Variants in FSTL4 observed in about 807,000 individuals in gnomAD.
FSTL4 encodes follistatin-related protein 4.
FSTL4 carries 28 observed loss-of-function variants against 78.2 expected under a neutral mutation model. The ratio of observed to expected loss-of-function variants is 0.36; its 90% CI spans 0.27 to 0.49. FSTL4 has a LOEUF of 0.49. FSTL4 is among the 20% of genes least tolerant of loss of function. FSTL4 has a pLI of 0.98. For missense variants in FSTL4, 922 were observed against 1,084.9 expected (o/e 0.85, Z 2.11); for synonymous variants, 422 against 440.5 (o/e 0.96, Z 0.53).
chr5:133,631,537 TA>T, the FSTL4 span, among the ~76,000 whole-genome samples: 1 of 152,180 alleles, frequency 6.6e-6, no homozygotes, highest in Non-Finnish European at 1.5e-5. Flanking sequence ...GGAACACTTT[TA>T]CACTGCTGGT....
intron 4 of FSTL4, among the ~76,000 whole-genome samples, chr5:133,340,903 G>T (rs1754564884): frequency 6.6e-6 from 1 of 152,134 alleles, no homozygotes; most frequent in Non-Finnish European, 1.5e-5. Context: ...CTGCCCCCGA[G>T]ACAGCTAGAA....
chr5:133,671,015 T>C, the FSTL4 span, among the ~76,000 whole-genome samples: 1 of 152,114 alleles, frequency 6.6e-6, no homozygotes, highest in South Asian at 2.1e-4. Flanking sequence ...GAGGTGATGT[T>C]GTACCAGTTC....
chr5:133,686,038 C>A, the FSTL4 span, among the ~76,000 whole-genome samples: 67,295 of 151,654 alleles, frequency 0.44, 15,086 homozygotes, highest in East Asian at 0.57. Context: ...ATCTATGAGG[C>A]GCCCACAGGA....
At chr5:133,280,089 C>T (rs1752976956) in intron 6 of FSTL4, among the ~76,000 whole-genome samples, 1 of 152,320 alleles carries the variant, frequency 6.6e-6, no homozygotes, top group East Asian at 1.9e-4. Context: ...GGTGAGAGCA[C>T]ACGTTTACGT....
chr5:133,754,377 C>CA, the FSTL4 span, among the ~76,000 whole-genome samples: 4 of 152,020 alleles, frequency 2.6e-5, no homozygotes, highest in South Asian at 8.3e-4. Flanking sequence ...ATAAAAAGAT[C>CA]AAAATGTCCT....
chr5:133,796,628 A>T, the FSTL4 span, among the ~76,000 whole-genome samples: 5 of 151,926 alleles, frequency 3.3e-5, no homozygotes, highest in Non-Finnish European at 7.4e-5. Context: ...GCGTTCAGAC[A>T]TTCCTCCTCT....
chr5:133,693,333 A>G, the FSTL4 span, among the ~76,000 whole-genome samples: 3 of 152,366 alleles, frequency 2.0e-5, no homozygotes, highest in African/African-American at 7.2e-5. Context: ...TTATGGGAAC[A>G]GAACTATAAT....
chr5:133,261,723 G>GC (rs1472504989), intron 6 of FSTL4, among the ~76,000 whole-genome samples: 4 of 152,152 alleles, frequency 2.6e-5, no homozygotes, highest in African/African-American at 9.7e-5. Context: ...GGATGTGGTG[G>GC]CACACACCTG....
chr5:133,381,767 T>G (rs1367887853), intron 4 of FSTL4, among the ~76,000 whole-genome samples: 1 of 152,260 alleles, frequency 6.6e-6, no homozygotes, highest in East Asian at 1.9e-4. Flanking sequence ...AATATGCCAG[T>G]AGGTCAGCCT....
chr5:133,266,674 G>T (rs934722132), intron 6 of FSTL4: 12 of 152,300 alleles, frequency 7.9e-5, no homozygotes, highest in Admixed American at 7.2e-4. Flanking sequence ...GGGGGAGTCT[G>T]TGGCAGCAGA....
the FSTL4 span, among the ~76,000 whole-genome samples, chr5:133,685,837 C>T: frequency 0.12 from 18,843 of 152,238 alleles, 2,404 homozygotes; most frequent in African/African-American, 0.33. Context: ...GCCTTAAAAT[C>T]GCACACCCTC....
intron 3 of FSTL4, among the ~76,000 whole-genome samples, chr5:133,443,956 C>G (rs998566969): frequency 6.6e-6 from 1 of 152,210 alleles, no homozygotes; most frequent in Non-Finnish European, 1.5e-5. Context: ...GGCACCCATC[C>G]TATCTCTCCA....
Position 133,199,433 on chromosome 5 carries a change from T to G in FSTL4, c.2191A>C (p.Asn731His). 6.2e-7 allele frequency: 1 copy of G among 1,614,200 alleles called. No homozygotes were observed. Residue 731 changes from asparagine (N) to histidine (H), a missense_variant, in exon 16 of 16, where the codon AAC becomes CAC. Transcript: ENST00000265342. The surrounding 1 kb of genome is among the most constrained non-coding windows in gnomAD (Gnocchi z 4.4). Reference protein sequence around the residue: ...EIQTLYDLQINSGISDLAFQR... With the variant: ...EIQTLYDLQIHSGISDLAFQR... Reference sequence around the variant, plus strand: ...AAGGCCAAGTCTGAGATGCCCGAGTTTATTTGCAGGTCATACAGGGTCTGG... The same window carrying G: ...AAGGCCAAGTCTGAGATGCCCGAGTGTATTTGCAGGTCATACAGGGTCTGG...
chr5:133,759,333 C>T, the FSTL4 span, among the ~76,000 whole-genome samples: 536 of 152,304 alleles, frequency 3.5e-3, 5 homozygotes, highest in African/African-American at 0.013. Context: ...ATGGGCCCTC[C>T]TGTACATGCA....
chr5:133,625,724 C>CATAT, the FSTL4 span, among the ~76,000 whole-genome samples: 10 of 58,822 alleles, frequency 1.7e-4, no homozygotes, highest in African/African-American at 7.3e-4. Context: ...GAGACAGTTC[C>CATAT]ATATATATAT....
At chr5:133,719,647 T>C in the FSTL4 span, among the ~76,000 whole-genome samples, 1 of 134,138 alleles carries the variant, frequency 7.5e-6, no homozygotes, top group Non-Finnish European at 1.5e-5. Context: ...CACTCCAGCC[T>C]GGGCAACAGG....
intron 8 of FSTL4, among the ~76,000 whole-genome samples, chr5:133,226,241 G>A (rs903050977): frequency 6.6e-6 from 1 of 152,224 alleles, no homozygotes; most frequent in African/African-American, 2.4e-5. Context: ...AAGCACTTAT[G>A]GCACTGACTG....
chr5:133,549,341 T>C (rs1218992440), intron 3 of FSTL4, among the ~76,000 whole-genome samples: 1 of 152,174 alleles, frequency 6.6e-6, no homozygotes, highest in East Asian at 1.9e-4. Flanking sequence ...TATGCCCTGT[T>C]TGCTCTGAAG....
the FSTL4 span, among the ~76,000 whole-genome samples, chr5:133,680,648 A>G: frequency 6.6e-6 from 1 of 152,166 alleles, no homozygotes; most frequent in Non-Finnish European, 1.5e-5. Context: ...ACACCTGCCA[A>G]ATGAAAACTC....
Sources: gnomAD v4.1 joint callset for allele counts (sites outside exome capture counted in the v4.1 genomes callset) on GRCh38, gnomAD v4.1.1 for gene constraint, Gnocchi (gnomAD v3.1) non-coding constraint, MANE v1.5 for transcripts, NCBI Gene and HGNC (gene_info 2026-07-23, HGNC 2026-07-21) for gene names.